Variants in PTPRM observed in about 807,000 individuals in gnomAD.
PTPRM encodes the protein protein tyrosine phosphatase receptor type M, also known as receptor-type tyrosine-protein phosphatase mu.
A neutral mutation model predicts 186.7 loss-of-function variants in PTPRM; 47 were observed. The observed-to-expected ratio is 0.25, with a 90% CI of 0.20 to 0.32. PTPRM has a LOEUF of 0.32. Ranked by LOEUF, PTPRM falls within the 10% of genes least tolerant of loss-of-function variation. The pLI is 1.00. For synonymous variants in PTPRM, 668 were observed against 674.9 expected, an observed-to-expected ratio of 0.99 and a Z score of 0.16; for missense variants, 1,494 against 1,865.0, an observed-to-expected ratio of 0.80 and a Z score of 3.66.
intron 3 of PTPRM, among the ~76,000 whole-genome samples, chr18:7,905,707 C>A (rs2049942629): frequency 6.6e-6 from 1 of 152,152 alleles, no homozygotes; most frequent in African/African-American, 2.4e-5. Flanking sequence ...CTGTTAGCTC[C>A]TTCTCATCCT....
intron 19 of PTPRM, among the ~76,000 whole-genome samples, chr18:8,280,540 C>T (rs1392059899): frequency 6.6e-6 from 1 of 152,096 alleles, no homozygotes; most frequent in Non-Finnish European, 1.5e-5. Context: ...ATTGGTGGGT[C>T]CCCTGTGAAT....
intron 1 of PTPRM, among the ~76,000 whole-genome samples, chr18:7,598,011 C>T (rs1054779641): frequency 1.1e-4 from 16 of 152,004 alleles, no homozygotes; most frequent in African/African-American, 2.9e-4. Context: ...GATATTTTGC[C>T]TTTAAAAAAA....
chr18:7,775,857 T>G (rs970632231), intron 2 of PTPRM, among the ~76,000 whole-genome samples: 2 of 152,256 alleles, frequency 1.3e-5, no homozygotes, highest in African/African-American at 4.8e-5. Context: ...CTCACCTCCC[T>G]TGATAAATGA....
rs140992004 is a variant in PTPRM, at chr18:8,298,097, G to A, written c.2842+1642G>A. 5.3e-3 allele frequency among the ~76,000 whole-genome samples: 810 copies of A among 152,304 alleles called. 6 individuals are homozygous for A. The highest frequency in any genetic ancestry group is 0.019 in the African/African-American group (777 of 41,568). On this transcript the variant is annotated intron_variant, in intron 20 of 32. Coordinates refer to ENST00000580170, the MANE Select transcript of PTPRM (RefSeq NM_001105244.2). The stretch of plus-strand genomic sequence containing the variant: ...ATCGCTGTGGCAGTAGTCTAGCGCC[G>A]TGACACAGGGTTTTGTTGCAGCCTG...
chr18:8,130,598 C>T (rs1015784049), intron 13 of PTPRM, among the ~76,000 whole-genome samples: 5 of 152,158 alleles, frequency 3.3e-5, no homozygotes, highest in Non-Finnish European at 5.9e-5. Context: ...GGAATTTGTT[C>T]TCTCTCCTTC....
intron 19 of PTPRM, among the ~76,000 whole-genome samples, chr18:8,257,253 C>A (rs777932104): frequency 6.6e-6 from 1 of 152,132 alleles, no homozygotes; most frequent in Non-Finnish European, 1.5e-5. Flanking sequence ...GAATGGGGTT[C>A]TCTGAGGAAA....
intron 1 of PTPRM, among the ~76,000 whole-genome samples, chr18:7,589,734 C>A (rs571087110): frequency 1.3e-3 from 193 of 152,284 alleles, no homozygotes; most frequent in Non-Finnish European, 2.4e-3. Flanking sequence ...CTTTATTAGT[C>A]ATTAATAATT....
chr18:8,082,526 C>A (rs1391547986), intron 9 of PTPRM, among the ~76,000 whole-genome samples: 2 of 147,610 alleles, frequency 1.4e-5, no homozygotes, highest in Non-Finnish European at 3.0e-5. Context: ...TCTCACCCTC[C>A]CTCCCTCTCT....
chr18:8,318,856 T>C (rs2095327639), intron 21 of PTPRM, among the ~76,000 whole-genome samples: 1 of 152,258 alleles, frequency 6.6e-6, no homozygotes, highest in South Asian at 2.1e-4. Context: ...TTGCAAATTC[T>C]CAGTTTGTTT....
chr18:7,658,330 T>TTTTATATATATATATATATATATATATA (rs71354562), intron 1 of PTPRM, among the ~76,000 whole-genome samples: 1 of 124,440 alleles, frequency 8.0e-6, no homozygotes, highest in African/African-American at 3.1e-5. Context: ...TAAAGTAAAT[T>TTTTATATATATATATATATATATATATA]TATATATATA....
chr18:7,954,252 G>A (rs986845323), intron 6 of PTPRM, among the ~76,000 whole-genome samples: 2 of 152,172 alleles, frequency 1.3e-5, no homozygotes, highest in African/African-American at 4.8e-5. Flanking sequence ...GGGTTGTAAA[G>A]TGTGTTTGCT....
chr18:7,816,072 A>T (rs2044808768), intron 2 of PTPRM, among the ~76,000 whole-genome samples: 1 of 152,214 alleles, frequency 6.6e-6, no homozygotes, highest in Non-Finnish European at 1.5e-5. Context: ...CCCAGTTTAT[A>T]TTCTGGAAGG....
At chr18:8,090,171 G>T (rs763373143) in intron 11 of PTPRM, among the ~76,000 whole-genome samples, 1 of 152,162 alleles carries the variant, frequency 6.6e-6, no homozygotes, top group Admixed American at 6.5e-5. Context: ...CCCAAGGCAC[G>T]CATTAGATGC....
intron 14 of PTPRM, among the ~76,000 whole-genome samples, chr18:8,159,802 T>C (rs1483961514): frequency 6.6e-6 from 1 of 152,164 alleles, no homozygotes. Flanking sequence ...TAAAGAAAAA[T>C]ACTCTTCTTT....
intron 1 of PTPRM, among the ~76,000 whole-genome samples, chr18:7,684,953 T>C (rs1008822373): frequency 1.3e-5 from 2 of 152,210 alleles, no homozygotes; most frequent in Non-Finnish European, 2.9e-5. Flanking sequence ...CAAAACCAAT[T>C]TACATTCCCA....
At chr18:7,859,131 G>A (rs115228186) in intron 2 of PTPRM, among the ~76,000 whole-genome samples, 3,282 of 152,162 alleles carry the variant, frequency 0.022, 118 homozygotes, top group African/African-American at 0.074. Flanking sequence ...TTGTGTAAAC[G>A]TCTACAAAAT....
chr18:7,900,776 A>G (rs1464350044), intron 3 of PTPRM, among the ~76,000 whole-genome samples: 4 of 152,206 alleles, frequency 2.6e-5, no homozygotes, highest in Admixed American at 6.5e-5. Flanking sequence ...TACCTCACAT[A>G]ATTGATGGGG....
intron 23 of PTPRM, among the ~76,000 whole-genome samples, chr18:8,352,387 A>G (rs1568808711): frequency 6.6e-6 from 1 of 152,168 alleles, no homozygotes; most frequent in African/African-American, 2.4e-5. Context: ...GATCCCATCA[A>G]CCAAACAGTG....
At chr18:8,008,851 A>G (rs1197975445) in intron 7 of PTPRM, among the ~76,000 whole-genome samples, 1 of 152,222 alleles carries the variant, frequency 6.6e-6, no homozygotes, top group Non-Finnish European at 1.5e-5. Context: ...ATATGAAAAG[A>G]TACAAGAGCT....
Sources: allele counts gnomAD v4.1 joint callset (sites outside exome capture counted in the v4.1 genomes callset), GRCh38; gene constraint gnomAD v4.1.1; transcripts MANE v1.5; gene names NCBI Gene and HGNC (gene_info 2026-07-23, HGNC 2026-07-21).